The following ELP4 variants were observed in gnomAD, a reference collection of about 807,000 sequenced individuals.
ELP4 encodes the protein elongator complex protein 4.
In ELP4, 51 loss-of-function variants were observed where a neutral mutation model predicts 48.9. That is an observed-to-expected ratio of 1.04 (90% CI 0.83 to 1.32). The LOEUF is 1.32. ELP4 is among the 40% of genes most tolerant of loss of function. ELP4 has a pLI of 0.00. For synonymous variants in ELP4, 210 were observed against 189.2 expected, an observed-to-expected ratio of 1.11 and a Z score of -0.90; for missense variants, 519 against 514.6, an observed-to-expected ratio of 1.01 and a Z score of -0.08.
intron 5 of ELP4, among the ~76,000 whole-genome samples, chr11:31,610,807 TTTTG>T (rs1464750577): frequency 6.6e-6 from 1 of 152,154 alleles, no homozygotes; most frequent in African/African-American, 2.4e-5. Flanking sequence ...TATGCATGGG[TTTTG>T]TTTTATTATT....
chr11:31,720,938 C>G (rs931795688), intron 9 of ELP4, among the ~76,000 whole-genome samples: 2 of 152,206 alleles, frequency 1.3e-5, no homozygotes, highest in Admixed American at 1.3e-4. Context: ...GATCATGGTA[C>G]AGAAATGGAG....
chr11:31,708,022 G>C (rs1946669469), intron 9 of ELP4, among the ~76,000 whole-genome samples: 3 of 152,114 alleles, frequency 2.0e-5, no homozygotes, highest in Non-Finnish European at 2.9e-5. Flanking sequence ...CATCTTCAAG[G>C]ATAAGCAGGA....
chr11:31,581,694 G>A (rs755932266), intron 3 of ELP4, among the ~76,000 whole-genome samples: 3 of 151,548 alleles, frequency 2.0e-5, no homozygotes, highest in Non-Finnish European at 4.4e-5. Context: ...CCCTATTTCA[G>A]GGTGTCAACC....
chr11:31,757,840 A>G (rs1278822527), intron 9 of ELP4, among the ~76,000 whole-genome samples: 1 of 152,200 alleles, frequency 6.6e-6, no homozygotes, highest in African/African-American at 2.4e-5. Flanking sequence ...TGGAGGTAAT[A>G]GTTTATTGTA....
chr11:31,719,999 A>G (rs1477764829), intron 9 of ELP4: 2 of 152,210 alleles, frequency 1.3e-5, no homozygotes, highest in African/African-American at 2.4e-5. Flanking sequence ...GGCCTTTTGT[A>G]AAAAAGCTTT....
chr11:31,753,955 G>A (rs1424347758), intron 9 of ELP4, among the ~76,000 whole-genome samples: 1 of 152,180 alleles, frequency 6.6e-6, no homozygotes, highest in African/African-American at 2.4e-5. Flanking sequence ...TTATTCTGAA[G>A]CAAGTGTGAC....
intron 6 of ELP4, among the ~76,000 whole-genome samples, chr11:31,631,577 A>G (rs1478663722): frequency 6.6e-6 from 1 of 152,116 alleles, no homozygotes. Flanking sequence ...ATAGTTTTTA[A>G]ATGTTCTTTT....
intron 5 of ELP4, among the ~76,000 whole-genome samples, chr11:31,621,278 TTTAAA>T (rs1944616090): frequency 6.6e-6 from 1 of 151,988 alleles, no homozygotes; most frequent in South Asian, 2.1e-4. Context: ...TCATCTTCAC[TTTAAA>T]TTAATCCTAA....
intron 5 of ELP4, among the ~76,000 whole-genome samples, chr11:31,616,770 G>A (rs1944494138): frequency 6.6e-6 from 1 of 152,022 alleles, no homozygotes; most frequent in Admixed American, 6.6e-5. Flanking sequence ...GACTTGAATA[G>A]ACATTTCTCC....
At chr11:31,743,102 T>G (rs1330290557) in intron 9 of ELP4, among the ~76,000 whole-genome samples, 2 of 152,132 alleles carry the variant, frequency 1.3e-5, no homozygotes, top group Admixed American at 6.5e-5. Context: ...GTTGCAATCC[T>G]ACTCTCTGAT....
chr11:31,742,517 A>G (rs1947478605), intron 9 of ELP4, among the ~76,000 whole-genome samples: 1 of 152,220 alleles, frequency 6.6e-6, no homozygotes, highest in African/African-American at 2.4e-5. Context: ...CGGGTTACCC[A>G]CAAAGGGAAG....
rs574512131 is a variant in ELP4, at chr11:31,788,355, C to A, written c.*4831C>A. On this transcript the variant is annotated 3_prime_UTR_variant, in exon 10 of 10. Coordinates refer to ENST00000640961, the MANE Select transcript of ELP4 (RefSeq NM_019040.5). Reference sequence around the variant, plus strand: ...TTATTCCTTGACATGCAACATCCCCCCTCCACCCTCCAACCATCCACAACC... The same window carrying A: ...TTATTCCTTGACATGCAACATCCCCACTCCACCCTCCAACCATCCACAACC... 15 of 224,334 alleles carry A rather than the reference C, an allele frequency of 6.7e-5. No individual in the cohort carries two copies. The East Asian group carries it at 9.0e-4, about 14-fold the overall frequency. 13.9% of individuals were successfully genotyped at this position (224,334 alleles called of 1,614,324 possible).
At chr11:31,776,881 A>C (rs980185174) in intron 9 of ELP4, among the ~76,000 whole-genome samples, 48 of 152,362 alleles carry the variant, frequency 3.2e-4, no homozygotes, top group African/African-American at 1.1e-3. Flanking sequence ...CAAAAAGTTA[A>C]ACCTAAAACC....
intron 7 of ELP4, among the ~76,000 whole-genome samples, chr11:31,637,547 G>A (rs1224683853): frequency 6.6e-6 from 1 of 151,916 alleles, no homozygotes; most frequent in Non-Finnish European, 1.5e-5. Flanking sequence ...GCATTGTGCT[G>A]CTTGTCCCCC....
At chr11:31,549,652 A>G (rs1378521928) in intron 3 of ELP4, among the ~76,000 whole-genome samples, 1 of 152,126 alleles carries the variant, frequency 6.6e-6, no homozygotes, top group Non-Finnish European at 1.5e-5. Flanking sequence ...TACCCAAAGG[A>G]CTATAAATCA....
chr11:31,699,301 G>T (rs1047109224), intron 9 of ELP4, among the ~76,000 whole-genome samples: 1 of 152,090 alleles, frequency 6.6e-6, no homozygotes, highest in Non-Finnish European at 1.5e-5. Context: ...GATACTCAAA[G>T]AACAGTAGGA....
chr11:31,589,769 C>T (rs1475101605), intron 3 of ELP4, among the ~76,000 whole-genome samples: 1 of 152,174 alleles, frequency 6.6e-6, no homozygotes, highest in Non-Finnish European at 1.5e-5. Flanking sequence ...CCATCCTTTA[C>T]TAAGTTTATT....
intron 3 of ELP4, among the ~76,000 whole-genome samples, chr11:31,565,301 A>C (rs1033678916): frequency 6.6e-6 from 1 of 151,938 alleles, no homozygotes; most frequent in Admixed American, 6.6e-5. Context: ...AGATTGCAAA[A>C]ATTTTCTCCC....
intron 4 of ELP4, among the ~76,000 whole-genome samples, chr11:31,600,824 T>C (rs1241192122): frequency 6.6e-6 from 1 of 152,178 alleles, no homozygotes; most frequent in Non-Finnish European, 1.5e-5. Context: ...ATTTAGATTT[T>C]CTTGGTGCAG....
Sources: allele counts gnomAD v4.1 joint callset (sites outside exome capture counted in the v4.1 genomes callset), GRCh38; gene constraint gnomAD v4.1.1; transcripts MANE v1.5; gene names NCBI Gene and HGNC (gene_info 2026-07-23, HGNC 2026-07-21).